Variants in NSMCE2 observed in about 807,000 individuals in gnomAD.
The protein encoded by NSMCE2 is NSE2 SUMO ligase component of SMC5/6 complex, also known as E3 SUMO-protein ligase NSE2.
Under a neutral mutation model 23.8 loss-of-function variants are expected in NSMCE2, and 24 were observed. The ratio of observed to expected loss-of-function variants is 1.01; its 90% CI spans 0.73 to 1.42. The LOEUF (loss-of-function observed/expected upper bound fraction) is 1.42, where lower values mean the gene tolerates loss of function less well. Among genes scored for constraint, NSMCE2 ranks in the 40% most tolerant of loss-of-function variants. The pLI, the probability that NSMCE2 is intolerant of heterozygous loss-of-function variation, is 0.00. For missense variants in NSMCE2, 284 were observed against 296.5 expected, an observed-to-expected ratio of 0.96 and a Z score of 0.31; for synonymous variants, 92 against 94.1, an observed-to-expected ratio of 0.98 and a Z score of 0.13.
At chr8:125,164,182 C>A (rs1169285069) in intron 4 of NSMCE2, among the ~76,000 whole-genome samples, 1 of 152,176 alleles carries the variant, frequency 6.6e-6, no homozygotes, top group Non-Finnish European at 1.5e-5. Flanking sequence ...GAAGCCCTTT[C>A]AGGTCCCCAA....
intron 4 of NSMCE2, among the ~76,000 whole-genome samples, chr8:125,180,292 A>T (rs948322577): frequency 1.3e-5 from 2 of 152,192 alleles, no homozygotes; most frequent in African/African-American, 4.8e-5. Flanking sequence ...CCTTAATTAC[A>T]TATAACACTT....
intron 5 of NSMCE2, among the ~76,000 whole-genome samples, chr8:125,263,663 T>C (rs1024584979): frequency 6.6e-6 from 1 of 151,354 alleles, no homozygotes; most frequent in African/African-American, 2.4e-5. Context: ...GGCAGGACAA[T>C]CTCTTGAACC....
chr8:125,260,925 A>G (rs112902333), intron 5 of NSMCE2, among the ~76,000 whole-genome samples: 1 of 151,980 alleles, frequency 6.6e-6, no homozygotes, highest in South Asian at 2.1e-4. Context: ...TGCCTGGCCA[A>G]ATTTCTTAAT....
chr8:125,171,218 G>A (rs932820451), intron 4 of NSMCE2, among the ~76,000 whole-genome samples: 9 of 152,114 alleles, frequency 5.9e-5, no homozygotes, highest in Non-Finnish European at 7.4e-5. Context: ...AGCTAGTTAC[G>A]TATTTTCTTA....
chr8:125,201,815 G>T (rs1167006126), intron 5 of NSMCE2, among the ~76,000 whole-genome samples: 1 of 152,236 alleles, frequency 6.6e-6, no homozygotes, highest in East Asian at 1.9e-4. Context: ...GTCTATAGAG[G>T]CAGTAGCCCT....
In NSMCE2 at chr8:125,301,318, C is replaced by T. The variant is rs117727295; in HGVS notation, c.419-55901C>T. Among the ~76,000 whole-genome samples the T allele has an allele frequency of 3.3e-5, 5 of 152,240 alleles. No homozygotes were observed. The East Asian group carries it at 9.7e-4, about 29-fold the overall frequency. ...CAGCGTCCCAAGTAGTCATCTAACC[C>T]GAGGTTTCCCTGGCCAAAGGTAATA... is the stretch of plus-strand genomic sequence containing the variant. On this transcript the variant is annotated intron_variant, in intron 5 of 7. Transcript: ENST00000287437.
intron 3 of NSMCE2, among the ~76,000 whole-genome samples, chr8:125,104,096 T>C (rs1818337167): frequency 1.3e-5 from 2 of 151,922 alleles, no homozygotes; most frequent in South Asian, 4.2e-4. Context: ...GTTCAAGCGA[T>C]TCTCCTGCCT....
intron 3 of NSMCE2, among the ~76,000 whole-genome samples, chr8:125,135,311 A>G (rs1327481670): frequency 2.0e-5 from 3 of 152,078 alleles, no homozygotes; most frequent in African/African-American, 7.2e-5. Flanking sequence ...TCAACTTCTC[A>G]AGTAGCTGGA....
At chr8:125,102,244 G>A in intron 2 of NSMCE2, 73 bp from the exon 3 acceptor site, 1 of 994,702 alleles carries the variant, frequency 1.0e-6, no homozygotes, top group East Asian at 2.4e-5. Context: ...GTTTACAGCA[G>A]TTTTATTAAT....
intron 4 of NSMCE2, among the ~76,000 whole-genome samples, chr8:125,156,723 A>G (rs904426459): frequency 1.2e-4 from 18 of 152,216 alleles, no homozygotes; most frequent in African/African-American, 4.3e-4. Flanking sequence ...AAACCAAAGC[A>G]ATCTTAGATA....
rs149426902 is a variant in NSMCE2 at position 125,180,731 on chromosome 8, A to G, written c.265-1372A>G. On this transcript the variant is annotated intron_variant, in intron 4 of 7. Coordinates refer to ENST00000287437, the MANE Select transcript of NSMCE2 (RefSeq NM_173685.4). ...ATTTATTTGTGAAACTGGGGGGAGG[A>G]GATCAAGATTAGATTATCTCTAAGC... Among the ~76,000 whole-genome samples, 580 of 152,262 alleles carry G rather than the reference A, an allele frequency of 3.8e-3. 3 individuals are homozygous for G. Among genetic ancestry groups the G allele is most frequent in the Admixed American group, 0.011 (175 of 15,284 alleles).
chr8:125,114,556 C>T (rs920231097), intron 3 of NSMCE2, among the ~76,000 whole-genome samples: 3 of 152,118 alleles, frequency 2.0e-5, no homozygotes, highest in East Asian at 1.9e-4. Flanking sequence ...GTGATTTTGC[C>T]CTCCAGGGTT....
chr8:125,175,551 G>GT (rs1351782282), intron 4 of NSMCE2, among the ~76,000 whole-genome samples: 1 of 152,156 alleles, frequency 6.6e-6, no homozygotes, highest in Admixed American at 6.5e-5. Context: ...AACAATGGCT[G>GT]TTTTGGAGAA....
At chr8:125,281,702 A>C (rs1586714298) in intron 5 of NSMCE2, among the ~76,000 whole-genome samples, 1 of 151,726 alleles carries the variant, frequency 6.6e-6, no homozygotes, top group South Asian at 2.1e-4. Flanking sequence ...CAGCCTCCCA[A>C]AGTGCTGGGA....
At chr8:125,149,739 C>T (rs1018406285) in intron 3 of NSMCE2, among the ~76,000 whole-genome samples, 4 of 152,054 alleles carry the variant, frequency 2.6e-5, no homozygotes, top group African/African-American at 9.7e-5. Context: ...GTTTCTTATT[C>T]TGACTAATAT....
chr8:125,300,862 A>C (rs1199030009), intron 5 of NSMCE2, among the ~76,000 whole-genome samples: 1 of 152,154 alleles, frequency 6.6e-6, no homozygotes, highest in East Asian at 1.9e-4. Context: ...GATTAATGCT[A>C]GCAGAGTGAA....
At chr8:125,252,852 C>T (rs994955458) in intron 5 of NSMCE2, among the ~76,000 whole-genome samples, 6 of 152,230 alleles carry the variant, frequency 3.9e-5, no homozygotes, top group Admixed American at 2.6e-4. Context: ...GAGTTAAGAG[C>T]GCAAGCTCCG....
At chr8:125,117,106 C>T (rs13267325) in intron 3 of NSMCE2, among the ~76,000 whole-genome samples, 8,721 of 152,140 alleles carry the variant, frequency 0.057, 391 homozygotes, top group South Asian at 0.15. Context: ...TTCTTGATTA[C>T]TTTATAATAT....
intron 5 of NSMCE2, among the ~76,000 whole-genome samples, chr8:125,190,777 G>A (rs990524176): frequency 1.3e-5 from 2 of 152,204 alleles, no homozygotes; most frequent in Admixed American, 6.5e-5. Context: ...AGTACCTAAA[G>A]TACTGAGTGC....
Sources: allele counts gnomAD v4.1 joint callset (sites outside exome capture counted in the v4.1 genomes callset), GRCh38; gene constraint gnomAD v4.1.1; transcripts MANE v1.5; gene names NCBI Gene and HGNC (gene_info 2026-07-23, HGNC 2026-07-21).